TECRL: variants seen among roughly 807,000 people sequenced by gnomAD.
TECRL encodes trans-2,3-enoyl-CoA reductase-like.
Under a neutral mutation model 52.8 loss-of-function variants are expected in TECRL, and 63 were observed. That is an observed-to-expected ratio of 1.19 (90% CI 0.97 to 1.47). The LOEUF is 1.47. TECRL is among the 40% of genes most tolerant of loss of function. The pLI, the probability that TECRL is intolerant of heterozygous loss-of-function variation, is 0.00. For missense variants in TECRL, 482 were observed against 429.6 expected (o/e 1.12, Z -1.08); for synonymous variants, 164 against 141.9 (o/e 1.16, Z -1.10).
chr4:64,340,150 T>G (rs1327419125), intron 2 of TECRL, among the ~76,000 whole-genome samples: 1 of 152,302 alleles, frequency 6.6e-6, no homozygotes, highest in Admixed American at 6.5e-5. Flanking sequence ...CAGGACTGCA[T>G]GCTCCATGGA....
chr4:64,360,466 A>G (rs1216540108), intron 2 of TECRL, among the ~76,000 whole-genome samples: 1 of 152,206 alleles, frequency 6.6e-6, no homozygotes, highest in Non-Finnish European at 1.5e-5. Flanking sequence ...TCAAGAGAAC[A>G]TCTGTTAGCA....
intron 1 of TECRL, among the ~76,000 whole-genome samples, chr4:64,399,885 C>T (rs1211949708): frequency 3.3e-5 from 5 of 152,174 alleles, no homozygotes; most frequent in Non-Finnish European, 7.3e-5. Context: ...TCATGGAGAA[C>T]CACTACTAGG....
chr4:64,282,079 T>C (rs1722857294), intron 9 of TECRL, among the ~76,000 whole-genome samples: 1 of 151,948 alleles, frequency 6.6e-6, no homozygotes, highest in Admixed American at 6.6e-5. Flanking sequence ...ATAAAAGGAT[T>C]ACACTGAATA....
rs796775626 is a variant in TECRL, at chr4:64,328,460, T to G, written c.331+52A>C. 1.3e-5 allele frequency: 19 copies of G among 1,492,346 alleles called. No homozygotes were observed. In the African/African-American group the frequency reaches 2.5e-4, roughly 20 times the overall value. The allele number at this position is 1,492,346 out of a possible 1,614,324, so 92.4% of individuals were successfully genotyped here. On this transcript the variant is annotated intron_variant, in intron 3 of 11. Transcript: ENST00000381210. ...ATAAGTGAATGTCAGCTTTTGAAAA[T>G]AGAAAAGGGATTATAAATTAAATAA...
intron 1 of TECRL, among the ~76,000 whole-genome samples, chr4:64,407,536 T>C (rs910965365): frequency 6.6e-6 from 1 of 151,634 alleles, no homozygotes; most frequent in Non-Finnish European, 1.5e-5. Context: ...CATTTAAACA[T>C]CATGAGTTTT....
At chr4:64,398,530 T>C (rs1275684534) in intron 1 of TECRL, among the ~76,000 whole-genome samples, 1 of 152,206 alleles carries the variant, frequency 6.6e-6, no homozygotes, top group Non-Finnish European at 1.5e-5. Flanking sequence ...CCTCTTCACC[T>C]TCTGTCTAAT....
At chr4:64,364,031 A>G (rs577097910) in intron 2 of TECRL, among the ~76,000 whole-genome samples, 102 of 152,220 alleles carry the variant, frequency 6.7e-4, no homozygotes, top group African/African-American at 2.3e-3. Flanking sequence ...TTCTCAACAA[A>G]TTATGAAAAA....
At chr4:64,368,141 T>C (rs1196027215) in intron 2 of TECRL, among the ~76,000 whole-genome samples, 1 of 152,148 alleles carries the variant, frequency 6.6e-6, no homozygotes, top group African/African-American at 2.4e-5. Flanking sequence ...CTTGTGTATA[T>C]AGCTTTCATA....
intron 6 of TECRL, among the ~76,000 whole-genome samples, chr4:64,309,155 C>T (rs1265957286): frequency 2.6e-5 from 4 of 152,258 alleles, no homozygotes; most frequent in East Asian, 3.9e-4. Flanking sequence ...TACTGCTTTA[C>T]TGCAATGACA....
chr4:64,354,331 C>T (rs1720608430), intron 2 of TECRL, among the ~76,000 whole-genome samples: 1 of 152,070 alleles, frequency 6.6e-6, no homozygotes, highest in African/African-American at 2.4e-5. Flanking sequence ...TAATCATGTA[C>T]AGAATAATTT....
downstream of TECRL, chr4:64,276,543 T>C (rs570069985): frequency 4.9e-4 from 74 of 151,998 alleles, no homozygotes; most frequent in African/African-American, 1.8e-3. Context: ...TTTTATTTAT[T>C]TTAATTTTAT....
In TECRL at chr4:64,301,489, C is replaced by T. The variant is rs557338480; in HGVS notation, c.731-1472G>A. On this transcript the variant is annotated intron_variant, in intron 7 of 11. Coordinates refer to ENST00000381210, the MANE Select transcript of TECRL (RefSeq NM_001010874.5). ...TTCGCATGACAGGCACTGAACTTTG[C>T]GCTTGTGAGAAAGTACACACAAAGC... is the stretch of plus-strand genomic sequence containing the variant. Among the ~76,000 whole-genome samples the T allele has an allele frequency of 4.0e-5, 6 of 151,190 alleles. No individual in the cohort carries two copies. The East Asian group carries it at 5.8e-4, about 15-fold the overall frequency.
intron 1 of TECRL, among the ~76,000 whole-genome samples, chr4:64,400,429 G>T (rs1158957891): frequency 6.6e-6 from 1 of 152,158 alleles, no homozygotes; most frequent in South Asian, 2.1e-4. Context: ...ACTAAAATGA[G>T]TTAAGACTTT....
At chr4:64,293,425 G>A (rs1723502161) in intron 8 of TECRL, among the ~76,000 whole-genome samples, 1 of 151,922 alleles carries the variant, frequency 6.6e-6, no homozygotes, top group African/African-American at 2.4e-5. Context: ...AGCATACCGT[G>A]CTCTACAATT....
chr4:64,348,788 C>T (rs776315643), intron 2 of TECRL, among the ~76,000 whole-genome samples: 4 of 152,100 alleles, frequency 2.6e-5, no homozygotes, highest in Non-Finnish European at 5.9e-5. Flanking sequence ...ATCCTATATA[C>T]AATTTTTCAT....
chr4:64,330,446 G>T (rs1031686716), intron 2 of TECRL, among the ~76,000 whole-genome samples: 1 of 151,978 alleles, frequency 6.6e-6, no homozygotes, highest in African/African-American at 2.4e-5. Flanking sequence ...CCATAGGGTG[G>T]TGTTAACATT....
intron 6 of TECRL, 130 bp downstream of exon 6, chr4:64,309,696 A>C (rs1724551331): frequency 1.4e-6 from 1 of 696,004 alleles, no homozygotes; most frequent in Non-Finnish European, 2.6e-6. Flanking sequence ...TAGGAAAAGA[A>C]TGTTTAAGTA....
intron 2 of TECRL, among the ~76,000 whole-genome samples, chr4:64,355,575 G>T (rs900977568): frequency 1.7e-4 from 26 of 152,138 alleles, no homozygotes; most frequent in Non-Finnish European, 3.4e-4. Context: ...AAGGTGGGCA[G>T]ATGACGATGT....
chr4:64,349,440 C>A (rs1445445036), intron 2 of TECRL, among the ~76,000 whole-genome samples: 1 of 151,944 alleles, frequency 6.6e-6, no homozygotes, highest in Non-Finnish European at 1.5e-5. Context: ...CTATAAAAAC[C>A]TTTTAAGAAT....
Sources: allele counts gnomAD v4.1 joint callset (sites outside exome capture counted in the v4.1 genomes callset), GRCh38; gene constraint gnomAD v4.1.1; transcripts MANE v1.5; gene names NCBI Gene and HGNC (gene_info 2026-07-23, HGNC 2026-07-21).